INPP4B: variants seen among roughly 807,000 people sequenced by gnomAD.
INPP4B encodes inositol polyphosphate 4-phosphatase type II.
In INPP4B, 55 loss-of-function variants were observed where a neutral mutation model predicts 122.5. The observed-to-expected ratio is 0.45, with a 90% confidence interval of 0.36 to 0.56. INPP4B has a LOEUF of 0.56. INPP4B is among the 20% of genes least tolerant of loss of function. INPP4B has a pLI of 0.00. For synonymous variants in INPP4B, 403 were observed against 388.7 expected, an observed-to-expected ratio of 1.04 and a Z score of -0.43; for missense variants, 1,000 against 1,097.7, an observed-to-expected ratio of 0.91 and a Z score of 1.26.
intron 7 of INPP4B, among the ~76,000 whole-genome samples, chr4:142,353,998 C>T (rs1002315862): frequency 4.6e-5 from 7 of 151,828 alleles, no homozygotes; most frequent in Admixed American, 1.3e-4. Flanking sequence ...TAAGTCATTT[C>T]CCCACTGTGT....
In INPP4B at chr4:142,349,516, G is replaced by A. The variant is rs549755119; in HGVS notation, c.373-34754C>T. 1.2e-4 allele frequency among the ~76,000 whole-genome samples: 19 copies of A among 152,086 alleles called. 1 individual carries two copies. In the South Asian group the frequency reaches 2.5e-3, roughly 20 times the overall value. Reference sequence around the variant, plus strand: ...AAACTGGAGAATGATTTAGATGTAAGTAGAATCTCATTGATCAGCTTTTCC... The same window carrying A: ...AAACTGGAGAATGATTTAGATGTAAATAGAATCTCATTGATCAGCTTTTCC... On this transcript the variant is annotated intron_variant, in intron 7 of 25. Coordinates refer to ENST00000262992, the MANE Select transcript of INPP4B (RefSeq NM_001101669.3).
At chr4:142,305,747 GA>G (rs1194434381) in intron 8 of INPP4B, 1 of 1,389,464 alleles carries the variant, frequency 7.2e-7, no homozygotes. Flanking sequence ...TTCCCTAAAA[GA>G]AAAGAGACCA....
intron 1 of INPP4B, among the ~76,000 whole-genome samples, chr4:142,794,823 T>C (rs990885817): frequency 6.6e-6 from 1 of 151,978 alleles, no homozygotes; most frequent in African/African-American, 2.4e-5. Context: ...TTGGGCAATG[T>C]AATTTGGAAA....
intron 2 of INPP4B, among the ~76,000 whole-genome samples, chr4:142,548,470 C>T (rs1406863780): frequency 2.6e-5 from 4 of 152,122 alleles, no homozygotes; most frequent in Non-Finnish European, 5.9e-5. Flanking sequence ...AATTCGAGTG[C>T]TCTTGTCGTA....
intron 25 of INPP4B, among the ~76,000 whole-genome samples, chr4:142,038,368 C>T (rs1048838068): frequency 6.6e-6 from 1 of 152,146 alleles, no homozygotes; most frequent in Non-Finnish European, 1.5e-5. Flanking sequence ...ATGTTAATCA[C>T]AGGAAAAGCC....
chr4:142,825,234 A>G (rs1407840691), intron 1 of INPP4B, among the ~76,000 whole-genome samples: 1 of 152,140 alleles, frequency 6.6e-6, no homozygotes, highest in African/African-American at 2.4e-5. Flanking sequence ...TACTACAATT[A>G]CTATAATGTA....
At chr4:142,522,215 T>G (rs911228940) in intron 2 of INPP4B, among the ~76,000 whole-genome samples, 50 of 152,278 alleles carry the variant, frequency 3.3e-4, no homozygotes, top group African/African-American at 1.2e-3. Context: ...TGTATTTCAG[T>G]ATCTTATGTT....
intron 21 of INPP4B, among the ~76,000 whole-genome samples, chr4:142,115,568 A>T (rs572836802): frequency 1.3e-5 from 2 of 152,338 alleles, no homozygotes; most frequent in South Asian, 4.1e-4. Flanking sequence ...ACTAAGCTTC[A>T]TAAGTGGAGG....
chr4:142,814,398 AT>A (rs991527695), intron 1 of INPP4B, among the ~76,000 whole-genome samples: 1 of 152,098 alleles, frequency 6.6e-6, no homozygotes, highest in African/African-American at 2.4e-5. Context: ...AAATGTGTCT[AT>A]TTTTTCTTGA....
chr4:142,652,237 A>G (rs1039055078), intron 2 of INPP4B, among the ~76,000 whole-genome samples: 6 of 152,220 alleles, frequency 3.9e-5, no homozygotes, highest in African/African-American at 1.4e-4. Context: ...AATAAGAGCT[A>G]TTTATGAAAA....
chr4:142,130,898 T>C (rs1579014502), intron 18 of INPP4B, among the ~76,000 whole-genome samples: 2 of 152,176 alleles, frequency 1.3e-5, no homozygotes, highest in East Asian at 1.9e-4. Context: ...CATAAAACTT[T>C]CCAGTCTTGC....
At chr4:142,313,715 A>G (rs1008083771) in intron 8 of INPP4B, among the ~76,000 whole-genome samples, 1 of 152,218 alleles carries the variant, frequency 6.6e-6, no homozygotes, top group Non-Finnish European at 1.5e-5. Context: ...GAAAAACTGC[A>G]AGGACTCCCT....
chr4:142,539,902 G>A (rs1338902170), intron 2 of INPP4B, among the ~76,000 whole-genome samples: 1 of 151,958 alleles, frequency 6.6e-6, no homozygotes, highest in Non-Finnish European at 1.5e-5. Flanking sequence ...AGTTTTTAGT[G>A]AAACGAACAA....
chr4:142,285,571 A>G (rs1385177513), intron 9 of INPP4B, among the ~76,000 whole-genome samples: 1 of 92,528 alleles, frequency 1.1e-5, no homozygotes, highest in Non-Finnish European at 2.0e-5. Flanking sequence ...ATCCTATACC[A>G]GGTATGAAGG....
intron 12 of INPP4B, among the ~76,000 whole-genome samples, chr4:142,224,688 A>T (rs986593186): frequency 2.6e-5 from 4 of 152,154 alleles, no homozygotes; most frequent in African/African-American, 9.7e-5. Context: ...TAGGATATAG[A>T]TACATACATA....
intron 8 of INPP4B, among the ~76,000 whole-genome samples, chr4:142,307,927 A>T (rs2151227532): frequency 6.6e-6 from 1 of 150,778 alleles, no homozygotes; most frequent in Non-Finnish European, 1.5e-5. Context: ...TAAAAGTAGC[A>T]AACACCCCAC....
chr4:142,781,958 C>A (rs1007319756), intron 1 of INPP4B, among the ~76,000 whole-genome samples: 8 of 150,230 alleles, frequency 5.3e-5, no homozygotes, highest in Admixed American at 4.6e-4. Flanking sequence ...TCTTGCTAAC[C>A]TTTTATTTTT....
intron 21 of INPP4B, among the ~76,000 whole-genome samples, chr4:142,116,206 A>C (rs1198525803): frequency 6.6e-6 from 1 of 152,174 alleles, no homozygotes; most frequent in Non-Finnish European, 1.5e-5. Flanking sequence ...CCCACACAAT[A>C]ATAATGGGAG....
chr4:142,233,219 A>T (rs534220593), intron 12 of INPP4B, among the ~76,000 whole-genome samples: 84 of 113,520 alleles, frequency 7.4e-4, no homozygotes, highest in Non-Finnish European at 1.2e-3. Flanking sequence ...TGTGTGTGTG[A>T]GTGAGTGTAT....
Sources: gnomAD v4.1 joint callset for allele counts (sites outside exome capture counted in the v4.1 genomes callset) on GRCh38, gnomAD v4.1.1 for gene constraint, MANE v1.5 for transcripts, NCBI Gene and HGNC (gene_info 2026-07-23, HGNC 2026-07-21) for gene names.